The following DNAH6 variants were observed in gnomAD, a reference collection of about 807,000 sequenced individuals.
DNAH6 encodes the protein dynein axonemal heavy chain 6.
In DNAH6, 340 loss-of-function variants were observed where a neutral mutation model predicts 491.4. That is an observed-to-expected ratio of 0.69 (90% CI 0.63 to 0.76). DNAH6 has a LOEUF of 0.76. DNAH6 is among the 30% of genes least tolerant of loss of function. The pLI is 0.00. For synonymous variants in DNAH6, 1,603 were observed against 1,686.1 expected, an observed-to-expected ratio of 0.95 and a Z score of 1.21; for missense variants, 4,443 against 4,972.2, an observed-to-expected ratio of 0.89 and a Z score of 3.20.
chr2:84,579,479 A>G, intron 13 of DNAH6, 48 bp from the exon 14 acceptor site: 1 of 1,590,372 alleles, frequency 6.3e-7, no homozygotes, highest in Non-Finnish European at 8.6e-7. Flanking sequence ...TACATAATAA[A>G]ATGAAAATAT....
At chr2:84,760,949 C>T (rs1048097091) in intron 63 of DNAH6, among the ~76,000 whole-genome samples, 3 of 152,104 alleles carry the variant, frequency 2.0e-5, no homozygotes, top group Non-Finnish European at 2.9e-5. Flanking sequence ...ATCATTTGAT[C>T]CAGCAGTCTC....
At chr2:84,789,091 G>A (rs1439953143) in intron 68 of DNAH6, among the ~76,000 whole-genome samples, 1 of 152,180 alleles carries the variant, frequency 6.6e-6, no homozygotes, top group African/African-American at 2.4e-5. Context: ...AAAGTTTATA[G>A]GGACAGTGCC....
intron 76 of DNAH6, among the ~76,000 whole-genome samples, chr2:84,818,179 A>C (rs967354013): frequency 1.3e-5 from 2 of 152,216 alleles, no homozygotes; most frequent in African/African-American, 2.4e-5. Flanking sequence ...CCTATGTAGT[A>C]GTCATCAATG....
chr2:84,663,493 A>G (rs928512453), intron 37 of DNAH6, among the ~76,000 whole-genome samples: 1 of 151,132 alleles, frequency 6.6e-6, no homozygotes, highest in Non-Finnish European at 1.5e-5. Flanking sequence ...AAGAAAGGGT[A>G]TCAGAGATTG....
chr2:84,676,953 G>A, intron 40 of DNAH6, 52 bp from the exon 41 acceptor site: 1 of 1,544,968 alleles, frequency 6.5e-7, no homozygotes, highest in African/African-American at 1.4e-5. Context: ...AGGATAGGCA[G>A]GTCTCATTTC....
chr2:84,504,697 G>A, the DNAH6 span, among the ~76,000 whole-genome samples: 15 of 152,302 alleles, frequency 9.8e-5, no homozygotes, highest in South Asian at 3.1e-3. Context: ...ATATCCAGAA[G>A]AATTCTATTA....
chr2:84,521,936 G>A (rs1676185176), intron 2 of DNAH6, among the ~76,000 whole-genome samples: 1 of 151,976 alleles, frequency 6.6e-6, no homozygotes, highest in Admixed American at 6.6e-5. Flanking sequence ...TTTATGCTTG[G>A]GATTGCCTTG....
At chr2:84,645,995 G>A (rs569868695) in intron 33 of DNAH6, among the ~76,000 whole-genome samples, 17 of 152,202 alleles carry the variant, frequency 1.1e-4, no homozygotes, top group South Asian at 4.1e-4. Context: ...ACTGCACTTC[G>A]CAGATATCAT....
intron 74 of DNAH6, 84 bp downstream of exon 74, chr2:84,813,214 G>A (rs1680168354): frequency 1.0e-6 from 1 of 957,104 alleles, no homozygotes; most frequent in African/African-American, 1.6e-5. Flanking sequence ...GAAATGACAT[G>A]GCTGCTAATG....
chr2:84,470,177 A>G, the DNAH6 span, among the ~76,000 whole-genome samples: 1 of 152,190 alleles, frequency 6.6e-6, no homozygotes, highest in East Asian at 1.9e-4. Context: ...CAGGACACCA[A>G]CACTTACCCA....
intron 18 of DNAH6, among the ~76,000 whole-genome samples, chr2:84,600,871 C>T (rs1258944752): frequency 6.6e-6 from 1 of 151,096 alleles, no homozygotes; most frequent in Non-Finnish European, 1.5e-5. Context: ...TGTTCCACCT[C>T]CTAAAAGCAT....
intron 4 of DNAH6, among the ~76,000 whole-genome samples, chr2:84,537,305 A>G (rs904456922): frequency 6.6e-6 from 1 of 152,100 alleles, no homozygotes; most frequent in Non-Finnish European, 1.5e-5. Context: ...GACTTCCCAT[A>G]GTTCAGATTC....
At chr2:84,609,745 G>T (rs1183290907) in intron 21 of DNAH6, among the ~76,000 whole-genome samples, 1 of 152,010 alleles carries the variant, frequency 6.6e-6, no homozygotes, top group Admixed American at 6.6e-5. Context: ...ATTGGTAATT[G>T]TAATAATTTT....
upstream of DNAH6, among the ~76,000 whole-genome samples, chr2:84,514,350 CA>C (rs1390395673): frequency 2.6e-5 from 4 of 152,154 alleles, no homozygotes; most frequent in African/African-American, 7.2e-5. Context: ...GAAAGTCACA[CA>C]ACCTCTTTAA....
Position 84,701,293 on chromosome 2 carries a change from A to G in DNAH6, c.8015A>G (p.Asn2672Ser), listed in dbSNP as rs1367216357. The change falls in exon 49 of 77, where the codon AAT becomes AGT. Residue 2672 changes from asparagine to serine, a missense_variant. Asn to Ser is a conservative substitution (Grantham distance 46). Coordinates refer to ENST00000389394, the MANE Select transcript of DNAH6 (RefSeq NM_001370.2). ...CCCACCTCCTACCTGGAGCTTATCA[A>G]TCTTTACCTGTCTATGCTGTCTGAA... ...TTPTSYLELI[N>S]LYLSMLSEKR... 4 of 1,551,870 alleles carry G rather than the reference A, an allele frequency of 2.6e-6. No individual in the cohort carries two copies. Among genetic ancestry groups the G allele is most frequent in the Admixed American group, 3.9e-5 (2 of 50,984 alleles).
chr2:84,721,020 T>A (rs1428869261), intron 59 of DNAH6, among the ~76,000 whole-genome samples: 1 of 152,176 alleles, frequency 6.6e-6, no homozygotes, highest in East Asian at 1.9e-4. Context: ...TAAAAATATG[T>A]CTCATATTCT....
chr2:84,557,695 T>C, intron 10 of DNAH6, 40 bp from the exon 11 acceptor site: 1 of 525,680 alleles, frequency 1.9e-6, no homozygotes, highest in Non-Finnish European at 3.3e-6. Flanking sequence ...TTTATAAATA[T>C]ATGTGTTCAC....
chr2:84,699,160 A>G (rs895555367), intron 47 of DNAH6, among the ~76,000 whole-genome samples: 19 of 151,942 alleles, frequency 1.3e-4, no homozygotes, highest in African/African-American at 4.6e-4. Flanking sequence ...AAACCTACAC[A>G]TGTACCCCCA....
intron 42 of DNAH6, among the ~76,000 whole-genome samples, chr2:84,682,397 C>T (rs956649466): frequency 2.0e-5 from 3 of 152,188 alleles, no homozygotes; most frequent in Admixed American, 1.3e-4. Context: ...CCGCAGGGCT[C>T]GGTCTTTAGA....
Sources: allele counts gnomAD v4.1 joint callset (sites outside exome capture counted in the v4.1 genomes callset), GRCh38; gene constraint gnomAD v4.1.1; transcripts MANE v1.5; gene names NCBI Gene and HGNC (gene_info 2026-07-23, HGNC 2026-07-21).